DISP2: variants seen among roughly 807,000 people sequenced by gnomAD.
The protein encoded by DISP2 is protein dispatched homolog 2.
A neutral mutation model predicts 95.5 loss-of-function variants in DISP2; 59 were observed. That is an observed-to-expected ratio of 0.62 (90% CI 0.50 to 0.77). The LOEUF (loss-of-function observed/expected upper bound fraction) is 0.77. DISP2 is among the 30% of genes least tolerant of loss of function. DISP2 has a pLI of 0.00. For missense variants in DISP2, 1,752 were observed against 1,854.6 expected, an observed-to-expected ratio of 0.94 and a Z score of 1.02; for synonymous variants, 827 against 815.0, an observed-to-expected ratio of 1.01 and a Z score of -0.25.
chr15:40,370,477 G>A lies in DISP2; in HGVS notation c.*159G>A. 2 of 1,254,130 alleles carry A rather than the reference G, an allele frequency of 1.6e-6. No homozygotes were observed. The highest frequency in any genetic ancestry group is 2.2e-6 in the Non-Finnish European group (2 of 910,398). The allele number at this position is 1,254,130 out of a possible 1,614,324, so 77.7% of individuals were successfully genotyped here. A position where few individuals can be genotyped will look rare whatever the true frequency, so the allele number is the denominator to read the frequency against. ...AAACCCTGCCAGATGTCCCAGCCTTGATCTGTCTGCTCCTACTCCTCACAT... is the reference window on the plus strand; with the variant it reads ...AAACCCTGCCAGATGTCCCAGCCTTAATCTGTCTGCTCCTACTCCTCACAT... On this transcript the variant is annotated 3_prime_UTR_variant, in exon 8 of 8. Transcript: ENST00000267889.
rs1889611430 is a variant in DISP2 at position 40,370,053 on chromosome 15, G to A, written c.3941G>A (p.Gly1314Asp). Residue 1314 changes from glycine to aspartate, a missense_variant, in exon 8 of 8, where the codon GGT becomes GAT. Gly to Asp is a moderately conservative substitution (Grantham distance 94, BLOSUM62 -1). Coordinates refer to ENST00000267889, the MANE Select transcript of DISP2 (RefSeq NM_033510.3). ...EPSARVPDSV[G>D]VSPDDLDDTG... The stretch of plus-strand genomic sequence containing the variant: ...AGTGCCCGTGTACCAGATTCCGTGG[G>A]TGTGTCCCCAGATGACCTGGATGAC... 1 of 1,614,100 alleles carries A rather than the reference G, an allele frequency of 6.2e-7. No individual in the cohort carries two copies. Among genetic ancestry groups the A allele is most frequent in the Admixed American group, 1.7e-5 (1 of 60,034 alleles).
chr15:40,358,233 C>A lies in DISP2; in HGVS notation c.-89C>A. On this transcript the variant is annotated 5_prime_UTR_variant, in exon 1 of 8. Transcript: ENST00000267889. ...AGAGCCTACGCATGCGCACGAGCACCCCGCCGCCGCTGCCGCCGCCACCGC... is the reference window on the plus strand; with the variant it reads ...AGAGCCTACGCATGCGCACGAGCACACCGCCGCCGCTGCCGCCGCCACCGC... The A allele has an allele frequency of 3.4e-6, 3 of 879,780 alleles. No individual in the cohort carries two copies. Among genetic ancestry groups the A allele is most frequent in the Admixed American group, 1.1e-4 (2 of 18,606 alleles). The allele number at this position is 879,780 out of a possible 1,614,324, so 54.5% of individuals were successfully genotyped here.
rs763818315 is a variant in DISP2, at chr15:40,368,341, C to A, written c.2229C>A (p.Ser743Arg). 6.2e-7 allele frequency: 1 copy of A among 1,604,486 alleles called. No individual in the cohort carries two copies. The highest frequency in any genetic ancestry group is 1.7e-5 in the Admixed American group (1 of 59,842). The part of the protein sequence containing the change: ...PPPGGQVFRP[S>R]HPFERFDAEY... ...CCGGCGGCCAGGTCTTCCGGCCCAG[C>A]CACCCCTTCGAGCGCTTCGACGCGG... The change falls in exon 8 of 8, where the codon AGC becomes AGA. Residue 743 changes from serine (S) to arginine (R), a missense_variant. Physicochemically the swap from Ser to Arg is moderately radical, Grantham distance 110. Coordinates refer to ENST00000267889, the MANE Select transcript of DISP2 (RefSeq NM_033510.3).
At chr15:40,366,815 T>C (rs1185554379) in intron 7 of DISP2, among the ~76,000 whole-genome samples, 1 of 152,200 alleles carries the variant, frequency 6.6e-6, no homozygotes, top group Non-Finnish European at 1.5e-5. Context: ...GCAGGGTCTC[T>C]GAGGCTGAAG....
In DISP2 at chr15:40,370,468, C is replaced by T. The variant is rs3803360; in HGVS notation, c.*150C>T. 206,990 of 1,289,310 alleles carry T rather than the reference C, an allele frequency of 0.16. 17,807 individuals carry two copies. Among genetic ancestry groups the T allele is most frequent in the African/African-American group, 0.26 (17,247 of 67,534 alleles). The allele number at this position is 1,289,310 out of a possible 1,614,324, so 79.9% of individuals were successfully genotyped here. Reference sequence around the variant, plus strand: ...GTGGATGTTAAACCCTGCCAGATGTCCCAGCCTTGATCTGTCTGCTCCTAC... The same window carrying T: ...GTGGATGTTAAACCCTGCCAGATGTTCCAGCCTTGATCTGTCTGCTCCTAC... On this transcript the variant is annotated 3_prime_UTR_variant, in exon 8 of 8. Coordinates refer to ENST00000267889, the MANE Select transcript of DISP2 (RefSeq NM_033510.3).
intron 2 of DISP2, 86 bp downstream of exon 2, chr15:40,364,040 T>C: frequency 6.7e-7 from 1 of 1,488,316 alleles, no homozygotes; most frequent in Non-Finnish European, 9.0e-7. Flanking sequence ...GGCTCTAGAC[T>C]CCTTTCTTAG....
rs1889598029 is a variant in DISP2, at chr15:40,369,655, C to T, written c.3543C>T (p.Ala1181=). The change falls in exon 8 of 8, where the codon GCC becomes GCT. Residue 1181 remains alanine, a synonymous_variant. Coordinates refer to ENST00000267889, the MANE Select transcript of DISP2 (RefSeq NM_033510.3). The part of the protein sequence containing the change: ...RRSPSFDTST[A]TSKLSHRPSV... ...GCCCCAGCTTTGACACCAGCACAGC[C>T]ACCAGCAAGCTGTCCCACCGGCCCT... is the stretch of plus-strand genomic sequence containing the variant. The T allele has an allele frequency of 6.2e-7, 1 of 1,611,938 alleles. No individual in the cohort carries two copies. The highest frequency in any genetic ancestry group is 1.3e-5 in the African/African-American group (1 of 74,910).
chr15:40,366,941 TC>T, intron 7 of DISP2, 116 bp from the exon 8 acceptor site: 7 of 1,352,082 alleles, frequency 5.2e-6, no homozygotes, highest in Admixed American at 2.3e-5. Flanking sequence ...GCTGTCAAGA[TC>T]CCTCTCTGCG....
In DISP2 at chr15:40,363,929, G is replaced by A. The variant is rs1320026871; in HGVS notation, c.424G>A (p.Val142Met). 3 of 1,542,310 alleles carry A rather than the reference G, an allele frequency of 1.9e-6. No individual in the cohort carries two copies. The highest frequency in any genetic ancestry group is 1.4e-5 in the African/African-American group (1 of 73,044). ...QRDGTWKPPA[V>M]QHHVVSVRQE... is the part of the protein sequence containing the mutation. ...CGATGGGACCTGGAAGCCACCCGCTGTGCAGCACCATGTGGTCAGCGTCAG... is the reference window on the plus strand; with the variant it reads ...CGATGGGACCTGGAAGCCACCCGCTATGCAGCACCATGTGGTCAGCGTCAG... Residue 142 changes from valine (V) to methionine (M), a missense_variant, in exon 2 of 8, where the codon GTG becomes ATG. By Grantham distance (21) the Val-to-Met change is conservative. This residue lies in a region of DISP2 where 342 missense variants were observed against 364.3 expected (regional missense o/e 0.94). Coordinates refer to ENST00000267889, the MANE Select transcript of DISP2 (RefSeq NM_033510.3).
Position 40,365,268 on chromosome 15 carries a change from C to T in DISP2, c.841C>T (p.Pro281Ser), listed in dbSNP as rs866801308. ...AAGGCAAGAGAACTTCTTCTGTGGCCCCCCTGGTAAGCTGCAGCCTGGCCA... is the reference window on the plus strand; with the variant it reads ...AAGGCAAGAGAACTTCTTCTGTGGCTCCCCTGGTAAGCTGCAGCCTGGCCA... ...DRRQENFFCG[P>S]PEKSYAKLVF... The change falls in exon 6 of 8, where the codon CCC becomes TCC. Residue 281 changes from proline to serine, a missense_variant. Pro to Ser is a moderately conservative substitution (Grantham distance 74). Coordinates refer to ENST00000267889, the MANE Select transcript of DISP2 (RefSeq NM_033510.3). 6.2e-7 allele frequency: 1 copy of T among 1,613,566 alleles called. No homozygotes were observed. Among genetic ancestry groups the T allele is most frequent in the African/African-American group, 1.3e-5 (1 of 74,926 alleles).
Position 40,369,650 on chromosome 15 carries a change from A to G in DISP2, c.3538A>G (p.Thr1180Ala), listed in dbSNP as rs376790219. The change falls in exon 8 of 8, where the codon ACA becomes GCA. Residue 1180 changes from threonine (T) to alanine (A), a missense_variant. Thr to Ala is a moderately conservative substitution (Grantham distance 58, BLOSUM62 0). Coordinates refer to ENST00000267889, the MANE Select transcript of DISP2 (RefSeq NM_033510.3). ...TCGGAGCCCCAGCTTTGACACCAGC[A>G]CAGCCACCAGCAAGCTGTCCCACCG... The part of the protein sequence containing the change: ...RRRSPSFDTS[T>A]ATSKLSHRPS... 6.2e-6 allele frequency: 10 copies of G among 1,611,906 alleles called. No individual in the cohort carries two copies. The highest frequency in any genetic ancestry group is 8.5e-6 in the Non-Finnish European group (10 of 1,180,002).
Position 40,363,648 on chromosome 15 carries a change from C to T in DISP2, c.143C>T (p.Pro48Leu), listed in dbSNP as rs1376155005. 1.9e-6 allele frequency: 3 copies of T among 1,554,178 alleles called. No individual in the cohort carries two copies. The African/African-American group carries it at 4.1e-5, about 21-fold the overall frequency. ...PDSTQTKAVP[P>L]EASPERSCSL... ...AGCACCCAGACCAAGGCTGTGCCCC[C>T]TGAGGCAAGCCCAGAGAGAAGCTGC... is the stretch of plus-strand genomic sequence containing the variant. Residue 48 changes from proline (P) to leucine (L), a missense_variant, in exon 2 of 8, where the codon CCT (proline) becomes CTT (leucine). Transcript: ENST00000267889.
At chr15:40,364,623 G>A (rs921759481) in intron 4 of DISP2, 79 bp downstream of exon 4, 6 of 1,561,464 alleles carry the variant, frequency 3.8e-6, no homozygotes, top group Non-Finnish European at 4.3e-6. Flanking sequence ...TGGAGGTAGG[G>A]TAGCCATGGT....
chr15:40,368,955 C>T lies in DISP2; in HGVS notation c.2843C>T (p.Thr948Ile). Residue 948 changes from threonine to isoleucine, a missense_variant, in exon 8 of 8, where the codon ACT (threonine) becomes ATT (isoleucine). Thr to Ile is a moderately conservative substitution (Grantham distance 89). Coordinates refer to ENST00000267889, the MANE Select transcript of DISP2 (RefSeq NM_033510.3). ...APPGLRRGWF[T>I]SRLELYSLQH... is the part of the protein sequence containing the mutation. ...CCAGGCCTCCGCCGTGGTTGGTTCA[C>T]TAGCCGTCTAGAGCTGTATAGCCTG... 6.2e-7 allele frequency: 1 copy of T among 1,613,974 alleles called. No homozygotes were observed. Among genetic ancestry groups the T allele is most frequent in the Non-Finnish European group, 8.5e-7 (1 of 1,180,056 alleles).
At position 40,369,962 on chromosome 15, in the gene DISP2, T is replaced by C; in HGVS notation, c.3850T>C (p.Ser1284Pro). The change falls in exon 8 of 8, where the codon TCC (serine) becomes CCC (proline). Residue 1284 changes from serine to proline, a missense_variant. Transcript: ENST00000267889. Reference protein sequence around the residue: ...KAADPPDGFCSSASTLEGLSV... With the variant: ...KAADPPDGFCPSASTLEGLSV... Reference sequence around the variant, plus strand: ...TGCAGATCCTCCTGATGGCTTCTGTTCCTCAGCCAGCACCCTGGAGGGGCT... The same window carrying C: ...TGCAGATCCTCCTGATGGCTTCTGTCCCTCAGCCAGCACCCTGGAGGGGCT... 6.2e-7 allele frequency: 1 copy of C among 1,611,026 alleles called. No individual in the cohort carries two copies. Among genetic ancestry groups the C allele is most frequent in the Non-Finnish European group, 8.5e-7 (1 of 1,178,534 alleles).
rs1889444597 is a variant in DISP2 at position 40,363,745 on chromosome 15, G to C, written c.240G>C (p.Gln80His). ...CCCCACCAACAACTTCCACCCTCCAGCCTGTGGGTCCATCCAGCCCCTTGG... is the reference window on the plus strand; with the variant it reads ...CCCCACCAACAACTTCCACCCTCCACCCTGTGGGTCCATCCAGCCCCTTGG... ...SGPPPTTSTLQPVGPSSPLAP... is the reference protein window; with the variant it reads ...SGPPPTTSTLHPVGPSSPLAP... The change falls in exon 2 of 8, where the codon CAG becomes CAC. Residue 80 changes from glutamine to histidine, a missense_variant. By Grantham distance (24) the Gln-to-His change is conservative. Transcript: ENST00000267889. The C allele has an allele frequency of 6.2e-7, 1 of 1,613,610 alleles. No homozygotes were observed. The highest frequency in any genetic ancestry group is 1.3e-5 in the African/African-American group (1 of 74,920).
chr15:40,370,980 G>C lies in DISP2; in HGVS notation c.*662G>C, dbSNP rs765938871. 1.9e-5 allele frequency: 4 copies of C among 214,036 alleles called. No individual in the cohort carries two copies. Among genetic ancestry groups the C allele is most frequent in the Non-Finnish European group, 3.9e-5 (4 of 102,132 alleles). 13.3% of individuals were successfully genotyped at this position (214,036 alleles called of 1,614,324 possible). ...CAGCCTTGGAGCATCTCTCAATTAC[G>C]GGACAGTCCCTCTTTGGAAGCAGGC... On this transcript the variant is annotated 3_prime_UTR_variant, in exon 8 of 8. Coordinates refer to ENST00000267889, the MANE Select transcript of DISP2 (RefSeq NM_033510.3).
At chr15:40,362,148 G>A (rs923206766) in intron 1 of DISP2, among the ~76,000 whole-genome samples, 5 of 152,174 alleles carry the variant, frequency 3.3e-5, no homozygotes, top group African/African-American at 1.2e-4. Flanking sequence ...CTTGGGGTGA[G>A]GGGGTGTCCC....
At chr15:40,367,003 A>G (rs1379758112) in intron 7 of DISP2, 55 bp from the exon 8 acceptor site, 1 of 1,585,760 alleles carries the variant, frequency 6.3e-7, no homozygotes, top group South Asian at 1.1e-5. Context: ...AGGACTGGGA[A>G]AACCTGAGCC....
Sources: gnomAD v4.1 joint callset for allele counts (sites outside exome capture counted in the v4.1 genomes callset) on GRCh38, gnomAD v4.1.1 for gene constraint, gnomAD v4.1.1 regional missense constraint, MANE v1.5 for transcripts, NCBI Gene and HGNC (gene_info 2026-07-23, HGNC 2026-07-21) for gene names.